PDE4D: variants seen among roughly 807,000 people sequenced by gnomAD.
PDE4D encodes the protein 3',5'-cyclic-AMP phosphodiesterase 4D.
In PDE4D, 24 loss-of-function variants were observed where a neutral mutation model predicts 87.4. The observed-to-expected ratio is 0.27, with a 90% CI of 0.20 to 0.39. The LOEUF is 0.39. Ranked by LOEUF, PDE4D falls within the 10% of genes least tolerant of loss-of-function variation. The pLI is 1.00. For missense variants in PDE4D, 714 were observed against 1,041.0 expected, an observed-to-expected ratio of 0.69 and a Z score of 4.32; for synonymous variants, 384 against 383.2, an observed-to-expected ratio of 1.00 and a Z score of -0.02.
intron 5 of PDE4D, chr5:59,090,966 G>A: frequency 3.3e-6 from 1 of 304,534 alleles, no homozygotes; most frequent in Non-Finnish European, 6.4e-6. Flanking sequence ...TTGGCCTTTG[G>A]CTCCCTAAAG....
At chr5:60,194,021 C>A in intron 1 of PDE4D, among the ~76,000 whole-genome samples, 1 of 151,568 alleles carries the variant, frequency 6.6e-6, no homozygotes. Context: ...CTGGTTCTCT[C>A]CCCTCAAGAT....
chr5:59,262,445 T>A (rs1762174180), intron 1 of PDE4D, among the ~76,000 whole-genome samples: 1 of 151,934 alleles, frequency 6.6e-6, no homozygotes, highest in East Asian at 1.9e-4. Context: ...TTCCTTCTTT[T>A]TTTTTAAGCC....
At chr5:59,246,643 A>G (rs926252365) in intron 1 of PDE4D, among the ~76,000 whole-genome samples, 2 of 152,154 alleles carry the variant, frequency 1.3e-5, no homozygotes, top group East Asian at 3.9e-4. Flanking sequence ...TAATTTTTAT[A>G]TGGTTGCTCT....
At chr5:59,091,284 T>A (rs1768682450) in intron 5 of PDE4D, among the ~76,000 whole-genome samples, 1 of 152,068 alleles carries the variant, frequency 6.6e-6, no homozygotes, top group Non-Finnish European at 1.5e-5. Flanking sequence ...CCTAGGTATA[T>A]TCCCCCACAA....
intron 1 of PDE4D, among the ~76,000 whole-genome samples, chr5:59,575,203 A>G (rs1251564526): frequency 2.6e-5 from 4 of 152,184 alleles, no homozygotes; most frequent in Non-Finnish European, 4.4e-5. Flanking sequence ...TGACAGTGAA[A>G]GATGTATAAA....
intron 1 of PDE4D, among the ~76,000 whole-genome samples, chr5:60,196,170 G>T (rs892999614): frequency 2.0e-5 from 3 of 151,538 alleles, no homozygotes; most frequent in African/African-American, 4.8e-5. Flanking sequence ...TCACTCCCAA[G>T]GGTATGGAAA....
chr5:60,118,561 TTGTGTG>T (rs34503506), intron 2 of PDE4D, among the ~76,000 whole-genome samples: 48 of 144,300 alleles, frequency 3.3e-4, no homozygotes, highest in East Asian at 1.0e-3. Context: ...TGGATGTAGG[TTGTGTG>T]TGTGTGTGTG....
chr5:59,342,342 A>T (rs542355579), intron 1 of PDE4D, among the ~76,000 whole-genome samples: 3 of 152,170 alleles, frequency 2.0e-5, no homozygotes, highest in Admixed American at 2.0e-4. Flanking sequence ...TGCACAACAC[A>T]TGGTGCCTCT....
At chr5:60,128,650 G>T (rs1000108669) in intron 2 of PDE4D, among the ~76,000 whole-genome samples, 1 of 152,152 alleles carries the variant, frequency 6.6e-6, no homozygotes, top group African/African-American at 2.4e-5. Flanking sequence ...AACTTCAATT[G>T]TTTGAGCAAC....
intron 1 of PDE4D, among the ~76,000 whole-genome samples, chr5:60,294,194 C>T (rs1214914737): frequency 1.3e-5 from 2 of 152,124 alleles, no homozygotes; most frequent in African/African-American, 4.8e-5. Flanking sequence ...ATGTGGAGCA[C>T]TCTTTACTGT....
At chr5:60,314,971 G>C (rs1277291065) in intron 1 of PDE4D, among the ~76,000 whole-genome samples, 1 of 152,184 alleles carries the variant, frequency 6.6e-6, no homozygotes, top group Non-Finnish European at 1.5e-5. Flanking sequence ...CTTTATAGCA[G>C]CATGATTTAT....
At chr5:59,326,431 G>C (rs1775673396) in intron 1 of PDE4D, among the ~76,000 whole-genome samples, 1 of 151,422 alleles carries the variant, frequency 6.6e-6, no homozygotes, top group Non-Finnish European at 1.5e-5. Context: ...AGTCTATAGA[G>C]TAGCCCCCCC....
chr5:59,590,412 G>A (rs1305908736), intron 1 of PDE4D, among the ~76,000 whole-genome samples: 1 of 152,136 alleles, frequency 6.6e-6, no homozygotes, highest in Non-Finnish European at 1.5e-5. Context: ...AGTTCTGGTT[G>A]CTCATGCCTG....
chr5:59,723,181 G>C (rs559553892), intron 1 of PDE4D, among the ~76,000 whole-genome samples: 1 of 151,968 alleles, frequency 6.6e-6, no homozygotes, highest in Non-Finnish European at 1.5e-5. Flanking sequence ...CAATGTTCTT[G>C]GGTGACAGAA....
chr5:59,553,965 G>A (rs1444174401), intron 1 of PDE4D, among the ~76,000 whole-genome samples: 6 of 152,050 alleles, frequency 3.9e-5, no homozygotes, highest in Non-Finnish European at 8.8e-5. Flanking sequence ...AGTTTTTTGA[G>A]CTCTGGCCAC....
chr5:60,428,930 A>G (rs1355462774), intron 1 of PDE4D, among the ~76,000 whole-genome samples: 1 of 152,244 alleles, frequency 6.6e-6, no homozygotes, highest in African/African-American at 2.4e-5. Flanking sequence ...AAAGTCCTTG[A>G]TACTAACAGT....
At chr5:59,847,340 T>C (rs1246831550) in intron 1 of PDE4D, among the ~76,000 whole-genome samples, 1 of 152,026 alleles carries the variant, frequency 6.6e-6, no homozygotes, top group African/African-American at 2.4e-5. Flanking sequence ...TACAATATTT[T>C]AAAATGCTAT....
intron 1 of PDE4D, among the ~76,000 whole-genome samples, chr5:60,351,992 A>G (rs1348183583): frequency 2.0e-5 from 3 of 148,622 alleles, no homozygotes; most frequent in East Asian, 4.0e-4. Flanking sequence ...TTCTGTAGAC[A>G]TGTGGTCTCT....
chr5:60,475,984 T>C (rs1397606948), intron 1 of PDE4D, among the ~76,000 whole-genome samples: 2 of 152,152 alleles, frequency 1.3e-5, no homozygotes, highest in African/African-American at 4.8e-5. Flanking sequence ...ACCAGAGTTA[T>C]CCTTCACTAT....
Sources: gnomAD v4.1 joint callset for allele counts (sites outside exome capture counted in the v4.1 genomes callset) on GRCh38, gnomAD v4.1.1 for gene constraint, MANE v1.5 for transcripts, NCBI Gene and HGNC (gene_info 2026-07-23, HGNC 2026-07-21) for gene names.